Variants in ATP8B4 observed in about 807,000 individuals in gnomAD.
ATP8B4 encodes probable phospholipid-transporting ATPase IM.
Under a neutral mutation model 145.6 loss-of-function variants are expected in ATP8B4, and 133 were observed. The observed-to-expected ratio is 0.91, with a 90% confidence interval of 0.79 to 1.05. The LOEUF (loss-of-function observed/expected upper bound fraction) is 1.05. Ranked by LOEUF, ATP8B4 falls within the 50% of genes least tolerant of loss-of-function variation. The pLI is 0.00. For missense variants in ATP8B4, 1,458 were observed against 1,425.2 expected (o/e 1.02, Z -0.37); for synonymous variants, 507 against 492.9 (o/e 1.03, Z -0.38).
At chr15:50,114,064 C>T (rs560196832) in intron 1 of ATP8B4, among the ~76,000 whole-genome samples, 1 of 141,646 alleles carries the variant, frequency 7.1e-6, no homozygotes, top group Admixed American at 7.2e-5. Context: ...CGTCCTCTCA[C>T]ATATCCCCTG....
chr15:50,009,724 AG>A (rs1283622627), intron 7 of ATP8B4: 1 of 454,412 alleles, frequency 2.2e-6, no homozygotes, highest in Non-Finnish European at 4.4e-6. Context: ...CTTAAATAAA[AG>A]TAAATAGATT....
intron 20 of ATP8B4, among the ~76,000 whole-genome samples, chr15:49,902,876 T>C (rs1458730090): frequency 2.0e-5 from 3 of 152,218 alleles, no homozygotes; most frequent in African/African-American, 7.2e-5. Context: ...ATCTCCTGAG[T>C]ACTCCTTTTG....
chr15:50,168,762 C>T (rs1287627097), intron 1 of ATP8B4, among the ~76,000 whole-genome samples: 1 of 152,190 alleles, frequency 6.6e-6, no homozygotes, highest in East Asian at 1.9e-4. Context: ...TCTCTTGCAG[C>T]TGGTAGGTGG....
chr15:50,016,093 A>G (rs2049068191), intron 6 of ATP8B4, among the ~76,000 whole-genome samples: 1 of 152,254 alleles, frequency 6.6e-6, no homozygotes, highest in Non-Finnish European at 1.5e-5. Context: ...ATGCAGAAAT[A>G]GACACACAAT....
intron 16 of ATP8B4, 135 bp from the exon 17 acceptor site, chr15:49,923,629 TG>T: frequency 1.7e-6 from 1 of 574,164 alleles, no homozygotes; most frequent in Non-Finnish European, 3.0e-6. Flanking sequence ...TCAGTGCCTT[TG>T]GTTAGGTCAT....
chr15:50,069,184 T>C (rs933975263), intron 3 of ATP8B4, among the ~76,000 whole-genome samples: 2 of 152,242 alleles, frequency 1.3e-5, no homozygotes, highest in African/African-American at 4.8e-5. Context: ...TTACACATTT[T>C]GGCAGTCTAA....
At position 49,932,959 on chromosome 15, in the gene ATP8B4, T is replaced by C. The variant is rs1453167239; in HGVS notation, c.1453+1058A>G. Among the ~76,000 whole-genome samples the C allele has an allele frequency of 2.0e-5, 3 of 152,088 alleles. No individual in the cohort carries two copies. In the East Asian group the frequency reaches 5.8e-4, roughly 29 times the overall value. On this transcript the variant is annotated intron_variant, in intron 15 of 27. Coordinates refer to ENST00000284509, the MANE Select transcript of ATP8B4 (RefSeq NM_024837.4). Reference sequence around the variant, plus strand: ...ATTTATAACCAATCACTGACTCTCATGTAAACTTGCATTCTGAATTCACAA... The same window carrying C: ...ATTTATAACCAATCACTGACTCTCACGTAAACTTGCATTCTGAATTCACAA...
At chr15:50,173,105 C>T (rs1381011896) in intron 1 of ATP8B4, among the ~76,000 whole-genome samples, 2 of 150,924 alleles carry the variant, frequency 1.3e-5, no homozygotes, top group African/African-American at 2.4e-5. Flanking sequence ...GCCGCCGCCC[C>T]GTCTGGGAGG....
chr15:50,111,897 G>A (rs561867831), intron 1 of ATP8B4, among the ~76,000 whole-genome samples: 6 of 152,350 alleles, frequency 3.9e-5, no homozygotes, highest in African/African-American at 1.4e-4. Context: ...GCTGGGCGGG[G>A]TGGCTCATGC....
At chr15:49,880,480 G>C (rs1159936007) in intron 23 of ATP8B4, 2 of 152,094 alleles carry the variant, frequency 1.3e-5, no homozygotes, top group Non-Finnish European at 2.9e-5. Flanking sequence ...GAGGTAAGAA[G>C]AACAATCCTA....
At chr15:50,056,703 A>G (rs201938201) in intron 3 of ATP8B4, among the ~76,000 whole-genome samples, 27 of 137,554 alleles carry the variant, frequency 2.0e-4, no homozygotes, top group South Asian at 1.1e-3. Context: ...GTATATGTGT[A>G]TATATATATA....
Position 49,979,830 on chromosome 15 carries a change from G to A in ATP8B4, c.838-17C>T, listed in dbSNP as rs762009871. 26 of 1,533,402 alleles carry A rather than the reference G, an allele frequency of 1.7e-5. No homozygotes were observed. The highest frequency in any genetic ancestry group is 1.2e-5 in the South Asian group (1 of 83,490). 95.0% of individuals were successfully genotyped at this position (1,533,402 alleles called of 1,614,324 possible). A position where few individuals can be genotyped will look rare whatever the true frequency, so the allele number is the denominator to read the frequency against. On this transcript the variant is annotated splice_polypyrimidine_tract_variant and intron_variant, in intron 11 of 27. Coordinates refer to ENST00000284509, the MANE Select transcript of ATP8B4 (RefSeq NM_024837.4). ...CCCAAAAATCTGAAATAAGATAGAA[G>A]TGTGGTTAAGGTTAACTTGAACTCA...
intron 14 of ATP8B4, among the ~76,000 whole-genome samples, chr15:49,939,437 A>G (rs2041993069): frequency 6.6e-6 from 1 of 152,166 alleles, no homozygotes; most frequent in Non-Finnish European, 1.5e-5. Context: ...TCAATCTCAC[A>G]GAAACACAAA....
chr15:50,106,448 T>A (rs1214988059), intron 2 of ATP8B4, among the ~76,000 whole-genome samples: 1 of 152,210 alleles, frequency 6.6e-6, no homozygotes, highest in African/African-American at 2.4e-5. Flanking sequence ...TTTTCTGCTA[T>A]CATGATCAAA....
chr15:49,894,563 A>G (rs2037182369), intron 23 of ATP8B4, among the ~76,000 whole-genome samples: 2 of 152,260 alleles, frequency 1.3e-5, no homozygotes, highest in Non-Finnish European at 2.9e-5. Flanking sequence ...TAAGAAATGT[A>G]TCACCTGTAG....
At chr15:49,930,436 T>G (rs4433752) in intron 16 of ATP8B4, among the ~76,000 whole-genome samples, 35,035 of 151,860 alleles carry the variant, frequency 0.23, 4,996 homozygotes, top group Non-Finnish European at 0.31. Flanking sequence ...TGAATGAGAG[T>G]GACATTGACA....
intron 2 of ATP8B4, among the ~76,000 whole-genome samples, chr15:50,077,586 C>T (rs1306662094): frequency 6.6e-6 from 1 of 152,104 alleles, no homozygotes; most frequent in East Asian, 1.9e-4. Context: ...GGGTGACAGG[C>T]CCAGGTTATG....
chr15:49,875,704 T>G (rs1233551109), intron 25 of ATP8B4, among the ~76,000 whole-genome samples: 1 of 152,132 alleles, frequency 6.6e-6, no homozygotes, highest in Non-Finnish European at 1.5e-5. Context: ...ACTCAGTATC[T>G]AATGGCATTG....
chr15:49,947,337 A>G lies in ATP8B4; in HGVS notation c.1288-13155T>C, dbSNP rs2042655603. 2.0e-5 allele frequency among the ~76,000 whole-genome samples: 3 copies of G among 151,580 alleles called. No individual in the cohort carries two copies. The South Asian group carries it at 6.3e-4, about 32-fold the overall frequency. ...TCCCAGCTACTTGGGAGGCTGAGGC[A>G]GAGCAATCACTTGAACCTGGGAGGC... On this transcript the variant is annotated intron_variant, in intron 14 of 27. Transcript: ENST00000284509.
Sources: gnomAD v4.1 joint callset for allele counts (sites outside exome capture counted in the v4.1 genomes callset) on GRCh38, gnomAD v4.1.1 for gene constraint, MANE v1.5 for transcripts, NCBI Gene and HGNC (gene_info 2026-07-23, HGNC 2026-07-21) for gene names.